The following IQCM variants were observed in gnomAD, a reference collection of about 807,000 sequenced individuals.
IQCM encodes IQ domain-containing protein M.
IQCM carries 45 observed loss-of-function variants against 57.6 expected under a neutral mutation model. The observed-to-expected ratio is 0.78, with a 90% CI of 0.62 to 1.00. The LOEUF (loss-of-function observed/expected upper bound fraction) is 1.00, where lower values mean the gene tolerates loss of function less well. IQCM is among the 50% of genes least tolerant of loss of function. IQCM has a pLI of 0.00. For missense variants in IQCM, 468 were observed against 511.6 expected, an observed-to-expected ratio of 0.91 and a Z score of 0.82; for synonymous variants, 148 against 158.9, an observed-to-expected ratio of 0.93 and a Z score of 0.51.
chr4:149,662,497 T>A (rs545934841), intron 7 of IQCM, among the ~76,000 whole-genome samples: 1 of 152,130 alleles, frequency 6.6e-6, no homozygotes, highest in African/African-American at 2.4e-5. Context: ...CTGTCCATTG[T>A]TGAAAGTTGG....
chr4:149,568,336 T>G (rs573007899), intron 9 of IQCM, among the ~76,000 whole-genome samples: 2 of 152,248 alleles, frequency 1.3e-5, no homozygotes, highest in East Asian at 3.9e-4. Flanking sequence ...GTCTTTTCCT[T>G]GACAAGACTC....
intron 12 of IQCM, among the ~76,000 whole-genome samples, chr4:149,457,250 A>G (rs1010540471): frequency 2.6e-5 from 4 of 152,072 alleles, no homozygotes; most frequent in Non-Finnish European, 5.9e-5. Context: ...GCACTATCTA[A>G]AAAAGGAGTG....
At chr4:149,496,200 C>T (rs923598355) in intron 12 of IQCM, among the ~76,000 whole-genome samples, 14 of 152,040 alleles carry the variant, frequency 9.2e-5, no homozygotes, top group South Asian at 2.1e-4. Context: ...CTAGGAATAA[C>T]AATTTTTAGC....
chr4:149,481,702 T>TTTTTTTTTTTTTTTGTTTG (rs1740853495), intron 12 of IQCM, among the ~76,000 whole-genome samples: 1 of 123,636 alleles, frequency 8.1e-6, no homozygotes, highest in African/African-American at 3.2e-5. Context: ...TCCAGTTTTG[T>TTTTTTTTTTTTTTTGTTTG]TTTTTTTTTT....
intron 10 of IQCM, among the ~76,000 whole-genome samples, chr4:149,555,207 CT>C (rs1444742378): frequency 6.6e-6 from 1 of 151,818 alleles, no homozygotes; most frequent in Non-Finnish European, 1.5e-5. Flanking sequence ...TTTAATCTGC[CT>C]TTTGTTCAAT....
intron 8 of IQCM, among the ~76,000 whole-genome samples, chr4:149,595,475 A>G (rs1753684758): frequency 6.6e-6 from 1 of 152,200 alleles, no homozygotes; most frequent in Non-Finnish European, 1.5e-5. Flanking sequence ...AAATACATAT[A>G]AAATTACAAA....
intron 2 of IQCM, among the ~76,000 whole-genome samples, chr4:149,764,584 C>T (rs1424571531): frequency 6.6e-6 from 1 of 152,108 alleles, no homozygotes; most frequent in Non-Finnish European, 1.5e-5. Context: ...TGTATGACTC[C>T]CCTGCATATG....
At chr4:149,755,909 C>G (rs1768916644) in intron 2 of IQCM, among the ~76,000 whole-genome samples, 1 of 152,086 alleles carries the variant, frequency 6.6e-6, no homozygotes, top group South Asian at 2.1e-4. Context: ...TCCCTGCCTG[C>G]TAGAATGGAG....
chr4:149,399,945 G>A (rs1248617171), intron 13 of IQCM, among the ~76,000 whole-genome samples: 1 of 151,728 alleles, frequency 6.6e-6, no homozygotes, highest in African/African-American at 2.4e-5. Flanking sequence ...TCATTTTAAG[G>A]GTGGACACAC....
intron 2 of IQCM, among the ~76,000 whole-genome samples, chr4:149,758,962 A>G (rs924446542): frequency 1.4e-5 from 2 of 147,904 alleles, no homozygotes; most frequent in Non-Finnish European, 3.0e-5. Flanking sequence ...ATTTCCTCAA[A>G]GAGTTTAAAA....
chr4:149,647,844 A>G (rs906588973), intron 7 of IQCM, among the ~76,000 whole-genome samples: 15 of 152,158 alleles, frequency 9.9e-5, no homozygotes, highest in African/African-American at 3.4e-4. Flanking sequence ...CATATCCACA[A>G]GAGAAAATAT....
intron 5 of IQCM, among the ~76,000 whole-genome samples, chr4:149,730,836 T>C (rs1203334173): frequency 6.6e-6 from 1 of 152,186 alleles, no homozygotes; most frequent in Non-Finnish European, 1.5e-5. Flanking sequence ...TACATCAAAT[T>C]TGAATTTCTT....
chr4:149,438,392 C>T (rs1735578380), intron 12 of IQCM, among the ~76,000 whole-genome samples: 1 of 151,992 alleles, frequency 6.6e-6, no homozygotes, highest in South Asian at 2.1e-4. Context: ...TCATGGACTA[C>T]TAGCCAATAC....
At chr4:149,401,842 A>G (rs899643898) in intron 13 of IQCM, among the ~76,000 whole-genome samples, 1 of 151,818 alleles carries the variant, frequency 6.6e-6, no homozygotes, top group African/African-American at 2.4e-5. Context: ...ACTTAGCACA[A>G]TTTGAAGATT....
chr4:149,421,691 T>A (rs1292147245), intron 13 of IQCM, among the ~76,000 whole-genome samples: 1 of 152,018 alleles, frequency 6.6e-6, no homozygotes, highest in African/African-American at 2.4e-5. Context: ...ATAAACTATA[T>A]GCATAGGTTG....
intron 12 of IQCM, among the ~76,000 whole-genome samples, chr4:149,507,131 T>C (rs554669876): frequency 1.4e-4 from 22 of 152,260 alleles, no homozygotes; most frequent in African/African-American, 5.1e-4. Flanking sequence ...CCACCATGAT[T>C]GTGAGGCCTC....
chr4:149,808,768 G>A (rs1179813635), intron 2 of IQCM, among the ~76,000 whole-genome samples: 1 of 152,108 alleles, frequency 6.6e-6, no homozygotes, highest in Non-Finnish European at 1.5e-5. Context: ...TTATTTTTAA[G>A]TTGATAAATA....
chr4:149,507,808 A>G (rs962963330), intron 12 of IQCM, among the ~76,000 whole-genome samples: 2 of 152,208 alleles, frequency 1.3e-5, no homozygotes, highest in African/African-American at 4.8e-5. Context: ...AATCCCCAAG[A>G]CAATGGAGAA....
chr4:149,463,372 G>A (rs1441214379), intron 12 of IQCM, among the ~76,000 whole-genome samples: 1 of 152,124 alleles, frequency 6.6e-6, no homozygotes, highest in East Asian at 1.9e-4. Flanking sequence ...GCAATCAAGG[G>A]GTTGTGATTT....
Sources: gnomAD v4.1 joint callset for allele counts (sites outside exome capture counted in the v4.1 genomes callset) on GRCh38, gnomAD v4.1.1 for gene constraint, MANE v1.5 for transcripts, NCBI Gene and HGNC (gene_info 2026-07-23, HGNC 2026-07-21) for gene names.